Variants in TMCO5A observed in about 807,000 individuals in gnomAD.
TMCO5A encodes the protein transmembrane and coiled-coil domain-containing protein 5A.
TMCO5A carries 34 observed loss-of-function variants against 42.3 expected under a neutral mutation model. The ratio of observed to expected loss-of-function variants is 0.80; its 90% CI spans 0.61 to 1.07. The LOEUF (loss-of-function observed/expected upper bound fraction) is 1.07, where lower values mean the gene tolerates loss of function less well. Ranked by LOEUF, TMCO5A falls within the 50% of genes least tolerant of loss-of-function variation. The probability of loss-of-function intolerance (pLI) is 0.00; values close to 1 mark genes in which losing one functional copy is unlikely to be tolerated. For synonymous variants in TMCO5A, 131 were observed against 115.6 expected (o/e 1.13, Z -0.86); for missense variants, 357 against 327.9 (o/e 1.09, Z -0.69).
chr15:38,027,587 T>C, the TMCO5A span, among the ~76,000 whole-genome samples: 2 of 152,150 alleles, frequency 1.3e-5, no homozygotes, highest in African/African-American at 2.4e-5. Flanking sequence ...TGGGGGACTG[T>C]TGGAAGGGCA....
downstream of TMCO5A, among the ~76,000 whole-genome samples, chr15:37,967,965 T>C (rs1202089987): frequency 2.6e-5 from 4 of 152,166 alleles, no homozygotes; most frequent in African/African-American, 7.2e-5. Flanking sequence ...ATTGAGACAC[T>C]TGTGATAATA....
the TMCO5A span, among the ~76,000 whole-genome samples, chr15:37,981,962 T>G: frequency 6.6e-6 from 1 of 152,198 alleles, no homozygotes; most frequent in Non-Finnish European, 1.5e-5. Context: ...TTGACCACAG[T>G]AGCCTGTTTC....
At chr15:38,008,033 C>G in the TMCO5A span, among the ~76,000 whole-genome samples, 1 of 151,592 alleles carries the variant, frequency 6.6e-6, no homozygotes, top group Admixed American at 6.6e-5. Flanking sequence ...GTTGCTGGGA[C>G]TACAGGCGCC....
the TMCO5A span, among the ~76,000 whole-genome samples, chr15:37,985,346 G>C: frequency 6.6e-6 from 1 of 152,034 alleles, no homozygotes; most frequent in East Asian, 1.9e-4. Flanking sequence ...ATTTTCCCTG[G>C]GTTGTTTTAT....
the TMCO5A span, among the ~76,000 whole-genome samples, chr15:38,029,277 TAC>T: frequency 5.9e-5 from 9 of 151,530 alleles, no homozygotes; most frequent in Non-Finnish European, 5.9e-5. Flanking sequence ...GTATACAGTC[TAC>T]ACACACACAC....
intron 5 of TMCO5A, among the ~76,000 whole-genome samples, chr15:37,937,769 C>T (rs1455915863): frequency 6.6e-6 from 1 of 152,040 alleles, no homozygotes; most frequent in African/African-American, 2.4e-5. Flanking sequence ...TAACTTAATC[C>T]CCAAGGATTT....
the TMCO5A span, among the ~76,000 whole-genome samples, chr15:38,028,733 G>C: frequency 0.55 from 83,192 of 152,018 alleles, 24,263 homozygotes; most frequent in East Asian, 0.83. Flanking sequence ...AGGGCAGATA[G>C]TGTCTGAAAA....
chr15:37,965,128 A>G (rs535296363), intron 11 of TMCO5A, among the ~76,000 whole-genome samples: 9 of 152,290 alleles, frequency 5.9e-5, no homozygotes, highest in African/African-American at 2.2e-4. Flanking sequence ...AAGTGAACTC[A>G]TTGTTGACAA....
exon 12 of TMCO5A, chr15:37,966,968 G>A: frequency 2.8e-6 from 1 of 356,490 alleles, no homozygotes. Flanking sequence ...GAAGAGAAAA[G>A]GGATGCTGGA....
chr15:38,001,820 T>C, the TMCO5A span, among the ~76,000 whole-genome samples: 2 of 152,102 alleles, frequency 1.3e-5, no homozygotes, highest in African/African-American at 4.8e-5. Context: ...TTTAAATTCA[T>C]CCCCCACTTT....
intron 6 of TMCO5A, among the ~76,000 whole-genome samples, chr15:37,940,790 G>C (rs1405942980): frequency 6.6e-6 from 1 of 152,108 alleles, no homozygotes; most frequent in African/African-American, 2.4e-5. Context: ...CAGGGAGGGA[G>C]AAAGGAGTGA....
the TMCO5A span, among the ~76,000 whole-genome samples, chr15:38,011,548 C>T: frequency 6.6e-6 from 1 of 152,200 alleles, no homozygotes; most frequent in Admixed American, 6.5e-5. Flanking sequence ...TAGTTACCTG[C>T]ACCAAGTCTT....
chr15:37,971,068 G>A (rs766201322), downstream of TMCO5A, among the ~76,000 whole-genome samples: 7 of 152,186 alleles, frequency 4.6e-5, no homozygotes, highest in Non-Finnish European at 8.8e-5. Flanking sequence ...CTGTGTGGGG[G>A]CTCTGACCTC....
the TMCO5A span, among the ~76,000 whole-genome samples, chr15:38,030,213 A>G: frequency 6.6e-6 from 1 of 152,330 alleles, no homozygotes; most frequent in African/African-American, 2.4e-5. Flanking sequence ...TAACTGGATC[A>G]GACAGACTCA....
intron 11 of TMCO5A, among the ~76,000 whole-genome samples, chr15:37,965,931 TAC>T (rs1468041457): frequency 6.6e-6 from 1 of 152,048 alleles, no homozygotes; most frequent in African/African-American, 2.4e-5. Context: ...AGGAAATCAG[TAC>T]ATTGAAGAGC....
the TMCO5A span, among the ~76,000 whole-genome samples, chr15:38,017,271 T>C: frequency 1.3e-5 from 2 of 152,022 alleles, no homozygotes; most frequent in East Asian, 3.9e-4. Flanking sequence ...CTAATACTAG[T>C]AAAGAAGGAG....
At chr15:37,952,077 G>A (rs114042141), downstream of TMCO5A, among the ~76,000 whole-genome samples, 2,122 of 152,270 alleles carry the variant, frequency 0.014, 41 homozygotes, top group African/African-American at 0.048. Flanking sequence ...CCTAGCTAGA[G>A]GAGAATTGCT....
In TMCO5A at chr15:37,951,335, T is replaced by C. The variant is rs1404691857; in HGVS notation, c.*101T>C. On this transcript the variant is annotated 3_prime_UTR_variant, in exon 12 of 12. Transcript: ENST00000319669. Reference sequence around the variant, plus strand: ...GAGGAAAGAGATTTGCTTCAGTTTTTTCCTCACCGTTTGCCTGCTTGACTA... The same window carrying C: ...GAGGAAAGAGATTTGCTTCAGTTTTCTCCTCACCGTTTGCCTGCTTGACTA... The C allele has an allele frequency of 8.4e-7, 1 of 1,187,988 alleles. No homozygotes were observed. The highest frequency in any genetic ancestry group is 1.5e-5 in the African/African-American group (1 of 65,872). The allele number at this position is 1,187,988 out of a possible 1,614,324, so 73.6% of individuals were successfully genotyped here. A position where few individuals can be genotyped will look rare whatever the true frequency, so the allele number is the denominator to read the frequency against.
At chr15:37,942,365 C>T (rs970625762) in intron 9 of TMCO5A, 110 bp downstream of exon 9, 24 of 978,580 alleles carry the variant, frequency 2.5e-5, no homozygotes, top group East Asian at 4.8e-5. Context: ...TGAGTCCCGA[C>T]GCCACATATC....
Sources: allele counts gnomAD v4.1 joint callset (sites outside exome capture counted in the v4.1 genomes callset), GRCh38; gene constraint gnomAD v4.1.1; transcripts MANE v1.5; gene names NCBI Gene and HGNC (gene_info 2026-07-23, HGNC 2026-07-21).